The following ZNF235 variants were observed in gnomAD, a reference collection of about 807,000 sequenced individuals.
ZNF235 encodes the protein zinc finger protein 235.
Under a neutral mutation model 29.4 loss-of-function variants are expected in ZNF235, and 25 were observed. The ratio of observed to expected loss-of-function variants is 0.85; its 90% CI spans 0.62 to 1.19. The LOEUF (loss-of-function observed/expected upper bound fraction) is 1.19. Among genes scored for constraint, ZNF235 ranks in the 50% most tolerant of loss-of-function variants. ZNF235 has a pLI of 0.00. For missense variants in ZNF235, 788 were observed against 885.0 expected, an observed-to-expected ratio of 0.89 and a Z score of 1.39; for synonymous variants, 300 against 295.3, an observed-to-expected ratio of 1.02 and a Z score of -0.16.
At chr19:44,293,885 C>A (rs1975617703) in intron 4 of ZNF235, among the ~76,000 whole-genome samples, 1 of 150,870 alleles carries the variant, frequency 6.6e-6, no homozygotes. Context: ...TACAATATAC[C>A]AAAACCTCTG....
Position 44,298,792 on chromosome 19 carries a change from G to C in ZNF235, c.238+16C>G. The C allele has an allele frequency of 6.4e-7, 1 of 1,571,952 alleles. No homozygotes were observed. Among genetic ancestry groups the C allele is most frequent in the Non-Finnish European group, 8.7e-7 (1 of 1,148,518 alleles). On this transcript the variant is annotated intron_variant, in intron 4 of 4. Coordinates refer to ENST00000291182, the MANE Select transcript of ZNF235 (RefSeq NM_004234.4). Reference sequence around the variant, plus strand: ...ATAACAGCTGTTAACTACGATTCCGGCTGCACAGTACTCACCTGAATGCTT... The same window carrying C: ...ATAACAGCTGTTAACTACGATTCCGCCTGCACAGTACTCACCTGAATGCTT...
chr19:44,298,879 A>G lies in ZNF235; in HGVS notation c.167T>C (p.Met56Thr). 6.2e-7 allele frequency: 1 copy of G among 1,613,878 alleles called. No individual in the cohort carries two copies. Among genetic ancestry groups the G allele is most frequent in the South Asian group, 1.1e-5 (1 of 91,056 alleles). Residue 56 changes from methionine (M) to threonine (T), a missense_variant, in exon 4 of 5, where the codon ATG becomes ACG. Coordinates refer to ENST00000291182, the MANE Select transcript of ZNF235 (RefSeq NM_004234.4). ...SVGHQSFKPD[M>T]ISQLEREEKL... ...TTCTTCCCTCTCCAACTGGGATATC[A>G]TATCTGGTTTGAAGGACTGATGTCC...
In ZNF235 at chr19:44,305,025, C is replaced by T; in HGVS notation, c.-103G>A. The T allele has an allele frequency of 5.0e-6, 4 of 792,690 alleles. No homozygotes were observed. Among genetic ancestry groups the T allele is most frequent in the Non-Finnish European group, 6.1e-6 (4 of 653,970 alleles). The allele number at this position is 792,690 out of a possible 1,614,324, so 49.1% of individuals were successfully genotyped here. A position where few individuals can be genotyped will look rare whatever the true frequency, so the allele number is the denominator to read the frequency against. ...CGCCTTCCTGGAGCGGAAGTGCCTCCGAGTGCCCACGGTTCGTGGACTCCA... is the reference window on the plus strand; with the variant it reads ...CGCCTTCCTGGAGCGGAAGTGCCTCTGAGTGCCCACGGTTCGTGGACTCCA... On this transcript the variant is annotated 5_prime_UTR_variant, in exon 1 of 5. Coordinates refer to ENST00000291182, the MANE Select transcript of ZNF235 (RefSeq NM_004234.4).
intron 4 of ZNF235, among the ~76,000 whole-genome samples, chr19:44,292,804 G>A (rs1054647049): frequency 6.6e-6 from 1 of 151,970 alleles, no homozygotes; most frequent in Non-Finnish European, 1.5e-5. Flanking sequence ...ATCAGACTAA[G>A]GTTTATATGA....
chr19:44,293,096 T>C (rs913518090), intron 4 of ZNF235, among the ~76,000 whole-genome samples: 2 of 152,008 alleles, frequency 1.3e-5, no homozygotes, highest in Non-Finnish European at 2.9e-5. Flanking sequence ...AAACAAAAGG[T>C]TGATACTTGC....
Position 44,287,504 on chromosome 19 carries a change from A to T in ZNF235, c.1931T>A (p.Val644Asp). 3 of 1,613,430 alleles carry T rather than the reference A, an allele frequency of 1.9e-6. No individual in the cohort carries two copies. The highest frequency in any genetic ancestry group is 2.2e-5 in the South Asian group (2 of 91,052). ...KAFSQRSNLQ[V>D]HQIIHTGEKP... ...CTCTCCAGTGTGAATTATCTGATGG[A>T]CTTGAAGATTTGACCTCTGGCTGAA... The change falls in exon 5 of 5, where the codon GTC (valine) becomes GAC (aspartate). Residue 644 changes from valine to aspartate, a missense_variant. Val to Asp is a radical substitution (Grantham distance 152). Coordinates refer to ENST00000291182, the MANE Select transcript of ZNF235 (RefSeq NM_004234.4).
At chr19:44,298,094 GGGCAAC>G (rs1975679786) in intron 4 of ZNF235, among the ~76,000 whole-genome samples, 1 of 152,108 alleles carries the variant, frequency 6.6e-6, no homozygotes, top group South Asian at 2.1e-4. Context: ...ACTCCAGCCT[GGGCAAC>G]AGAGTGAGAC....
rs534914085 is a variant in ZNF235, at chr19:44,289,294, T to G, written c.239-98A>C. 5.3e-6 allele frequency: 6 copies of G among 1,136,780 alleles called. No homozygotes were observed. The African/African-American group carries it at 7.8e-5, about 15-fold the overall frequency. The allele number at this position is 1,136,780 out of a possible 1,614,324, so 70.4% of individuals were successfully genotyped here. On this transcript the variant is annotated intron_variant, in intron 4 of 4. Coordinates refer to ENST00000291182, the MANE Select transcript of ZNF235 (RefSeq NM_004234.4). ...AGCTCTCATTTTCCCCATGGAAACGTCAAAAAAACAACTAGACTGGCTGAA... is the reference window on the plus strand; with the variant it reads ...AGCTCTCATTTTCCCCATGGAAACGGCAAAAAAACAACTAGACTGGCTGAA...
At position 44,303,477 on chromosome 19, in the gene ZNF235, G is replaced by A. The variant is rs1186859969; in HGVS notation, c.-48-25C>T. On this transcript the variant is annotated intron_variant, in intron 1 of 4. Transcript: ENST00000291182. ...CCTGAGGGAGGGAAAGGCATCATGA[G>A]ATAGGTTAGGGATGGCATTAGTCAC... 4 of 1,587,786 alleles carry A rather than the reference G, an allele frequency of 2.5e-6. No homozygotes were observed. The East Asian group carries it at 6.9e-5, about 27-fold the overall frequency.
At chr19:44,300,082 C>G (rs570339844) in intron 2 of ZNF235, among the ~76,000 whole-genome samples, 1 of 152,212 alleles carries the variant, frequency 6.6e-6, no homozygotes, top group South Asian at 2.1e-4. Flanking sequence ...GCAGTTCACT[C>G]TCTGGGTTCT....
At chr19:44,303,300 C>G (rs986015178) in intron 2 of ZNF235, 90 bp downstream of exon 2, 14 of 1,404,202 alleles carry the variant, frequency 1.0e-5, no homozygotes, top group Non-Finnish European at 1.4e-5. Flanking sequence ...GCCTTTCGTT[C>G]CCTTTTACTG....
At chr19:44,293,878 A>G (rs577712568) in intron 4 of ZNF235, among the ~76,000 whole-genome samples, 16 of 152,136 alleles carry the variant, frequency 1.1e-4, no homozygotes, top group Non-Finnish European at 1.3e-4. Context: ...ACGAAAATAC[A>G]ATATACCAAA....
intron 4 of ZNF235, among the ~76,000 whole-genome samples, chr19:44,293,950 TA>T (rs58642226): frequency 0.72 from 103,762 of 144,558 alleles, 36,914 homozygotes; most frequent in African/African-American, 0.78. Flanking sequence ...ATGTCTACAC[TA>T]AAAAAAAAAA....
rs559468274 is a variant in ZNF235 at position 44,304,088 on chromosome 19, G to GC, written c.-48-637_-48-636insG. Among the ~76,000 whole-genome samples the GC allele has an allele frequency of 8.3e-4, 127 of 152,274 alleles. 1 individual carries two copies. Among genetic ancestry groups the GC allele is most frequent in the African/African-American group, 2.9e-3 (120 of 41,542 alleles). On this transcript the variant is annotated intron_variant, in intron 1 of 4. Coordinates refer to ENST00000291182, the MANE Select transcript of ZNF235 (RefSeq NM_004234.4). Reference sequence around the variant, plus strand: ...ATAATTAGTTCCGTTGGTAATGATAGTTAAACTGCCACAGGTTTTTTTTTC... The same window carrying GC: ...ATAATTAGTTCCGTTGGTAATGATAGCTTAAACTGCCACAGGTTTTTTTTTC...
chr19:44,287,737 G>C lies in ZNF235; in HGVS notation c.1698C>G (p.Thr566=). 6.2e-7 allele frequency: 1 copy of C among 1,611,672 alleles called. No homozygotes were observed. Among genetic ancestry groups the C allele is most frequent in the Non-Finnish European group, 8.5e-7 (1 of 1,179,182 alleles). ...CTTCACATTTGTAGGGTTTCTCTCC[G>C]GTGTGGACTCTCTGATGATTGTGAA... ...LNLHNHQRVH[T]GEKPYKCEEC... Residue 566 remains threonine, a synonymous_variant, in exon 5 of 5, where the codon ACC becomes ACG. Coordinates refer to ENST00000291182, the MANE Select transcript of ZNF235 (RefSeq NM_004234.4).
intron 3 of ZNF235, among the ~76,000 whole-genome samples, chr19:44,299,180 A>G (rs950239341): frequency 5.9e-5 from 9 of 152,166 alleles, no homozygotes. Context: ...TATTGCCACA[A>G]TGTGCACCAT....
In ZNF235 at chr19:44,287,727, G is replaced by A. The variant is rs369607464; in HGVS notation, c.1708C>T (p.Pro570Ser). 1.2e-6 allele frequency: 2 copies of A among 1,613,932 alleles called. No individual in the cohort carries two copies. The highest frequency in any genetic ancestry group is 2.7e-5 in the African/African-American group (2 of 74,886). Residue 570 changes from proline to serine, a missense_variant, in exon 5 of 5, where the codon CCC becomes TCC. Pro to Ser is a moderately conservative substitution (Grantham distance 74). Coordinates refer to ENST00000291182, the MANE Select transcript of ZNF235 (RefSeq NM_004234.4). ...TTACCACACTCTTCACATTTGTAGG[G>A]TTTCTCTCCGGTGTGGACTCTCTGA... ...NHQRVHTGEK[P>S]YKCEECGKGF...
intron 4 of ZNF235, 137 bp from the exon 5 acceptor site, chr19:44,289,333 A>G: frequency 1.3e-6 from 1 of 765,250 alleles, no homozygotes; most frequent in Admixed American, 3.3e-5. Flanking sequence ...AATTTATAGG[A>G]ACTCTGAAAA....
In ZNF235 at chr19:44,287,596, G is replaced by C; in HGVS notation, c.1839C>G (p.His613Gln). ...TGTGGACTCTCTGATGGGCTTGAAG[G>C]TGTGAGGCCTGACTGAATCGCTTCT... ...ACQKRFSQAS[H>Q]LQAHQRVHTG... Residue 613 changes from histidine (H) to glutamine (Q), a missense_variant, in exon 5 of 5, where the codon CAC becomes CAG. Coordinates refer to ENST00000291182, the MANE Select transcript of ZNF235 (RefSeq NM_004234.4). The C allele has an allele frequency of 1.2e-6, 2 of 1,610,298 alleles. No homozygotes were observed. The highest frequency in any genetic ancestry group is 1.1e-5 in the South Asian group (1 of 90,858).
Sources: gnomAD v4.1 joint callset for allele counts (sites outside exome capture counted in the v4.1 genomes callset) on GRCh38, gnomAD v4.1.1 for gene constraint, MANE v1.5 for transcripts, NCBI Gene and HGNC (gene_info 2026-07-23, HGNC 2026-07-21) for gene names.